Variants in SPAG16 observed in about 807,000 individuals in gnomAD.
SPAG16 encodes the protein sperm-associated antigen 16 protein.
Under a neutral mutation model 80.4 loss-of-function variants are expected in SPAG16, and 86 were observed. The observed-to-expected ratio is 1.07, with a 90% CI of 0.90 to 1.28. The LOEUF (loss-of-function observed/expected upper bound fraction) is 1.28, where lower values mean the gene tolerates loss of function less well. SPAG16 is among the 50% of genes most tolerant of loss of function. SPAG16 has a pLI of 0.00. For synonymous variants in SPAG16, 294 were observed against 265.9 expected (o/e 1.11, Z -1.03); for missense variants, 870 against 765.3 (o/e 1.14, Z -1.61).
chr2:213,300,187 C>G (rs2062678455), intron 3 of SPAG16, among the ~76,000 whole-genome samples: 1 of 152,010 alleles, frequency 6.6e-6, no homozygotes, highest in Non-Finnish European at 1.5e-5. Flanking sequence ...GCAAGACACC[C>G]AAGTCATATA....
At chr2:213,329,019 C>T (rs934011757) in intron 5 of SPAG16, among the ~76,000 whole-genome samples, 15 of 152,118 alleles carry the variant, frequency 9.9e-5, no homozygotes, top group African/African-American at 3.4e-4. Flanking sequence ...TGCCACCATC[C>T]ATGTAAGATG....
intron 10 of SPAG16, among the ~76,000 whole-genome samples, chr2:213,546,163 A>G (rs1175242215): frequency 1.3e-5 from 2 of 152,054 alleles, no homozygotes; most frequent in Admixed American, 6.5e-5. Flanking sequence ...CAATTTCTCT[A>G]CTTTTACTTT....
chr2:214,311,688 C>G (rs1487571948), intron 15 of SPAG16: 1 of 152,222 alleles, frequency 6.6e-6, no homozygotes, highest in African/African-American at 2.4e-5. Flanking sequence ...CTCAGTTCCA[C>G]TTGGGTCATG....
At chr2:213,527,864 G>A (rs760180102) in intron 10 of SPAG16, among the ~76,000 whole-genome samples, 6 of 152,080 alleles carry the variant, frequency 3.9e-5, no homozygotes, top group Non-Finnish European at 8.8e-5. Context: ...GCACATAGAA[G>A]TTTTCTAAAA....
In SPAG16 at chr2:213,338,662, C is replaced by G. The variant is rs970236267; in HGVS notation, c.537-1501C>G. Among the ~76,000 whole-genome samples, 4 of 152,178 alleles carry G rather than the reference C, an allele frequency of 2.6e-5. No homozygotes were observed. In the South Asian group the frequency reaches 8.3e-4, roughly 32 times the overall value. ...ATAAAGAAAATGTGGCACATATACA[C>G]CATGAAATACTATGCAGCCATAAAA... is the stretch of plus-strand genomic sequence containing the variant. On this transcript the variant is annotated intron_variant, in intron 5 of 15. Coordinates refer to ENST00000331683, the MANE Select transcript of SPAG16 (RefSeq NM_024532.5).
intron 9 of SPAG16, among the ~76,000 whole-genome samples, chr2:213,460,180 T>A (rs2072279459): frequency 6.6e-6 from 1 of 152,232 alleles, no homozygotes; most frequent in African/African-American, 2.4e-5. Context: ...TTACATTTTT[T>A]TTCTTCCATA....
intron 9 of SPAG16, among the ~76,000 whole-genome samples, chr2:213,466,124 T>G (rs2072679626): frequency 6.6e-6 from 1 of 152,174 alleles, no homozygotes; most frequent in East Asian, 1.9e-4. Context: ...CTCCAAGTTC[T>G]TCAACTCTGG....
intron 10 of SPAG16, among the ~76,000 whole-genome samples, chr2:213,845,596 G>T (rs2074583121): frequency 6.6e-6 from 1 of 152,120 alleles, no homozygotes; most frequent in African/African-American, 2.4e-5. Context: ...GGTAAAATAA[G>T]TACAGAACAA....
rs1170279543 is a variant in SPAG16 at position 213,558,719 on chromosome 2, T to G, written c.1070+68629T>G. 2.0e-5 allele frequency among the ~76,000 whole-genome samples: 3 copies of G among 152,286 alleles called. No homozygotes were observed. In the East Asian group the frequency reaches 5.8e-4, roughly 29 times the overall value. ...TACTTTTGGTCCTAATTTGGCTATT[T>G]TTGGAAATTCCTTTTTAGTTAATTT... is the stretch of plus-strand genomic sequence containing the variant. On this transcript the variant is annotated intron_variant, in intron 10 of 15. Transcript: ENST00000331683.
At chr2:213,806,082 G>T (rs1245140957) in intron 10 of SPAG16, among the ~76,000 whole-genome samples, 1 of 152,100 alleles carries the variant, frequency 6.6e-6, no homozygotes, top group Admixed American at 6.6e-5. Flanking sequence ...TAAAATTGAT[G>T]GTTTCTTTGT....
chr2:213,759,550 G>A (rs1048486620), intron 10 of SPAG16, among the ~76,000 whole-genome samples: 1 of 151,588 alleles, frequency 6.6e-6, no homozygotes, highest in Non-Finnish European at 1.5e-5. Context: ...CAGTTATGGT[G>A]GTACAAATTT....
chr2:213,384,940 C>G (rs769513640), intron 9 of SPAG16, among the ~76,000 whole-genome samples: 1 of 152,116 alleles, frequency 6.6e-6, no homozygotes, highest in Non-Finnish European at 1.5e-5. Context: ...TAATTGTGCC[C>G]ATCTTGCTTT....
intron 9 of SPAG16, among the ~76,000 whole-genome samples, chr2:213,378,960 C>T (rs2067028172): frequency 6.6e-6 from 1 of 152,192 alleles, no homozygotes; most frequent in African/African-American, 2.4e-5. Context: ...CTGATTTCAT[C>T]TTGATAGTCT....
intron 9 of SPAG16, among the ~76,000 whole-genome samples, chr2:213,465,313 G>T (rs911404991): frequency 6.6e-6 from 1 of 152,142 alleles, no homozygotes; most frequent in Non-Finnish European, 1.5e-5. Context: ...TTGAGCACTT[G>T]CACCCGAGAA....
intron 10 of SPAG16, among the ~76,000 whole-genome samples, chr2:213,601,299 G>A (rs529963351): frequency 1.3e-5 from 2 of 152,288 alleles, no homozygotes; most frequent in South Asian, 4.1e-4. Context: ...ACTTCATCCA[G>A]TGTTTTGGAA....
intron 15 of SPAG16, among the ~76,000 whole-genome samples, chr2:214,149,775 A>T (rs916690216): frequency 6.6e-6 from 1 of 152,058 alleles, no homozygotes; most frequent in Admixed American, 6.6e-5. Context: ...GCATTCTATA[A>T]TGTTATTATA....
At chr2:213,781,186 T>C (rs185741419) in intron 10 of SPAG16, among the ~76,000 whole-genome samples, 1 of 152,334 alleles carries the variant, frequency 6.6e-6, no homozygotes, top group Non-Finnish European at 1.5e-5. Context: ...TCTTCATAGT[T>C]CCTACCTCCC....
chr2:213,439,663 T>C (rs2070824998), intron 9 of SPAG16, among the ~76,000 whole-genome samples: 2 of 152,214 alleles, frequency 1.3e-5, no homozygotes, highest in East Asian at 3.8e-4. Flanking sequence ...CAAAAAGGAA[T>C]GAAGTCTGCA....
At chr2:213,392,103 A>C (rs2067784410) in intron 9 of SPAG16, among the ~76,000 whole-genome samples, 1 of 152,200 alleles carries the variant, frequency 6.6e-6, no homozygotes, top group African/African-American at 2.4e-5. Context: ...ATAGGTGGTA[A>C]TTTAAACGTA....
Sources: gnomAD v4.1 joint callset for allele counts (sites outside exome capture counted in the v4.1 genomes callset) on GRCh38, gnomAD v4.1.1 for gene constraint, MANE v1.5 for transcripts, NCBI Gene and HGNC (gene_info 2026-07-23, HGNC 2026-07-21) for gene names.